The following TNFRSF10B variants were observed in gnomAD, a reference collection of about 807,000 sequenced individuals.
TNFRSF10B encodes the protein TNF receptor superfamily member 10b.
A neutral mutation model predicts 41.4 loss-of-function variants in TNFRSF10B; 35 were observed. The observed-to-expected ratio is 0.85, with a 90% CI of 0.65 to 1.12. The LOEUF (loss-of-function observed/expected upper bound fraction) is 1.12, where lower values mean the gene tolerates loss of function less well. Among genes scored for constraint, TNFRSF10B ranks in the 50% most tolerant of loss-of-function variants. The pLI, the probability that TNFRSF10B is intolerant of heterozygous loss-of-function variation, is 0.00. For synonymous variants in TNFRSF10B, 230 were observed against 215.5 expected (o/e 1.07, Z -0.59); for missense variants, 584 against 552.7 (o/e 1.06, Z -0.57).
chr8:23,022,026 AG>A lies in TNFRSF10B; in HGVS notation c.*644del, dbSNP rs1268663302. 4.4e-6 allele frequency: 2 copies of A among 450,448 alleles called. No individual in the cohort carries two copies. Among genetic ancestry groups the A allele is most frequent in the African/African-American group, 4.0e-5 (2 of 49,926 alleles). The allele number at this position is 450,448 out of a possible 1,614,324, so 27.9% of individuals were successfully genotyped here. ...CTAATTCCACCGCTTTGGGAGTCTG[AG>A]GTGGGCAGACTGCTTGAGTCCAGGA... On this transcript the variant is annotated 3_prime_UTR_variant, in exon 9 of 9. Coordinates refer to ENST00000276431, the MANE Select transcript of TNFRSF10B (RefSeq NM_003842.5).
At chr8:23,048,437 C>CAAAAAAA (rs34985507) in intron 1 of TNFRSF10B, among the ~76,000 whole-genome samples, 1 of 93,694 alleles carries the variant, frequency 1.1e-5, no homozygotes, top group Non-Finnish European at 2.3e-5. Context: ...ATTTTTGTGT[C>CAAAAAAA]AAAAAAAAAA....
At chr8:23,045,159 G>T (rs139160499) in intron 1 of TNFRSF10B, among the ~76,000 whole-genome samples, 1 of 151,846 alleles carries the variant, frequency 6.6e-6, no homozygotes, top group East Asian at 1.9e-4. Context: ...GAACCTGGGA[G>T]GTGAAAGTGG....
At position 23,022,624 on chromosome 8, in the gene TNFRSF10B, A is replaced by G; in HGVS notation, c.*47T>C. Reference sequence around the variant, plus strand: ...TGGAGTCCAGTTGGGCTTTTTCCAGAAAAAAGGTAAACCAGGGAAGGTCTG... The same window carrying G: ...TGGAGTCCAGTTGGGCTTTTTCCAGGAAAAAGGTAAACCAGGGAAGGTCTG... On this transcript the variant is annotated 3_prime_UTR_variant, in exon 9 of 9. Transcript: ENST00000276431. The G allele has an allele frequency of 6.2e-7, 1 of 1,608,832 alleles. No homozygotes were observed. Among genetic ancestry groups the G allele is most frequent in the South Asian group, 1.1e-5 (1 of 90,578 alleles).
At chr8:23,061,410 ATTATT>A (rs71546844) in intron 1 of TNFRSF10B, among the ~76,000 whole-genome samples, 13 of 152,122 alleles carry the variant, frequency 8.5e-5, no homozygotes, top group African/African-American at 1.9e-4. Context: ...AAAATTTAAT[ATTATT>A]TTATTTTTGG....
At chr8:23,043,569 T>G (rs902893559) in intron 1 of TNFRSF10B, among the ~76,000 whole-genome samples, 4 of 152,234 alleles carry the variant, frequency 2.6e-5, no homozygotes, top group Non-Finnish European at 2.9e-5. Flanking sequence ...TTAGTTCCAC[T>G]ATTTTTCCAT....
intron 7 of TNFRSF10B, among the ~76,000 whole-genome samples, 187 bp downstream of exon 7, chr8:23,026,946 A>T (rs150177456): frequency 7.2e-4 from 109 of 152,278 alleles, no homozygotes; most frequent in Middle Eastern, 3.4e-3. Context: ...GGGAGTAAGA[A>T]GCAGATGTCC....
intron 1 of TNFRSF10B, among the ~76,000 whole-genome samples, chr8:23,045,431 A>T (rs1380973020): frequency 1.3e-5 from 2 of 152,230 alleles, no homozygotes; most frequent in African/African-American, 4.8e-5. Context: ...AAGGATATTG[A>T]ATCAGTAATG....
In TNFRSF10B at chr8:23,028,489, G is replaced by A. The variant is rs61756238; in HGVS notation, c.590C>T (p.Thr197Met). ...AGGAGTCCCTGGGCTGGAGGTCACC[G>A]TCTCCTCCACAGCTGGGACTTCCCC... ...HSGEVPAVEE[T>M]VTSSPGTPAS... The change falls in exon 5 of 9, where the codon ACG (threonine) becomes ATG (methionine). Residue 197 changes from threonine to methionine, a missense_variant. Thr to Met is a moderately conservative substitution (Grantham distance 81, BLOSUM62 -1). Transcript: ENST00000276431. The A allele has an allele frequency of 2.0e-3, 3,209 of 1,614,070 alleles. 38 individuals carry two copies. In the African/African-American group the frequency reaches 0.029, roughly 15 times the overall value.
chr8:23,063,277 G>C (rs2128821505), intron 1 of TNFRSF10B, among the ~76,000 whole-genome samples: 1 of 151,880 alleles, frequency 6.6e-6, no homozygotes, highest in South Asian at 2.1e-4. Context: ...GAACCCAGGA[G>C]GCAGAGGTTG....
At chr8:23,059,404 T>A (rs1812759361) in intron 1 of TNFRSF10B, among the ~76,000 whole-genome samples, 1 of 152,252 alleles carries the variant, frequency 6.6e-6, no homozygotes, top group African/African-American at 2.4e-5. Flanking sequence ...TTTGAGGAAC[T>A]ATCATACTGT....
In TNFRSF10B at chr8:23,021,166, G is replaced by A. The variant is rs1371795520; in HGVS notation, c.*1505C>T. 2.2e-6 allele frequency: 1 copy of A among 454,090 alleles called. No individual in the cohort carries two copies. The highest frequency in any genetic ancestry group is 4.4e-6 in the Non-Finnish European group (1 of 226,800). The allele number at this position is 454,090 out of a possible 1,614,324, so 28.1% of individuals were successfully genotyped here. On this transcript the variant is annotated 3_prime_UTR_variant, in exon 9 of 9. Transcript: ENST00000276431. ...TATGGAGAAGGGTTTGCTGGAAAGA[G>A]GCTGAAATGGTTACTGAGGTCTTAA...
At chr8:23,037,381 C>A (rs1464227007) in intron 2 of TNFRSF10B, among the ~76,000 whole-genome samples, 1 of 152,194 alleles carries the variant, frequency 6.6e-6, no homozygotes, top group African/African-American at 2.4e-5. Flanking sequence ...GAGGGTCAGT[C>A]TGCCAGCTAC....
chr8:23,033,620 A>AAAAAAAAAAAAAAAAG (rs1563310598), intron 2 of TNFRSF10B, among the ~76,000 whole-genome samples: 4 of 107,668 alleles, frequency 3.7e-5, no homozygotes, highest in African/African-American at 1.3e-4. Context: ...AAAAAAAAAA[A>AAAAAAAAAAAAAAAAG]AGAACCCTGG....
At chr8:23,038,193 A>G (rs1241085754) in intron 2 of TNFRSF10B, among the ~76,000 whole-genome samples, 1 of 152,248 alleles carries the variant, frequency 6.6e-6, no homozygotes, top group African/African-American at 2.4e-5. Context: ...TCCTTAGGGC[A>G]TCTCTTAGTA....
At chr8:23,037,776 G>T (rs1181661440) in intron 2 of TNFRSF10B, among the ~76,000 whole-genome samples, 1 of 152,180 alleles carries the variant, frequency 6.6e-6, no homozygotes, top group Non-Finnish European at 1.5e-5. Flanking sequence ...GGTTCTCCAG[G>T]AGACTGTCTA....
intron 1 of TNFRSF10B, among the ~76,000 whole-genome samples, chr8:23,049,097 C>T (rs545521349): frequency 6.6e-6 from 1 of 152,206 alleles, no homozygotes; most frequent in South Asian, 2.1e-4. Flanking sequence ...GAAACTGGAA[C>T]CTTCGTGCCC....
intron 1 of TNFRSF10B, among the ~76,000 whole-genome samples, chr8:23,050,225 C>T (rs769676069): frequency 5.1e-4 from 78 of 152,160 alleles, no homozygotes; most frequent in Non-Finnish European, 8.5e-4. Flanking sequence ...TCAGGTTTTG[C>T]GTTAGTTTTG....
intron 1 of TNFRSF10B, among the ~76,000 whole-genome samples, chr8:23,056,478 C>G (rs1206563823): frequency 1.3e-5 from 2 of 152,070 alleles, no homozygotes; most frequent in African/African-American, 4.8e-5. Flanking sequence ...TGGTGAAACC[C>G]TGTCTCTACT....
rs867234351 is a variant in TNFRSF10B at position 23,030,812 on chromosome 8, C to T, written c.311G>A (p.Ser104Asn). ...CISCKYGQDY[S>N]THWNDLLFCL... ...GAAAAGGAGGTCATTCCAGTGAGTG[C>T]TATAGTCCTGTCCATATTTGCAGGA... is the stretch of plus-strand genomic sequence containing the variant. Residue 104 changes from serine to asparagine, a missense_variant, in exon 3 of 9, where the codon AGC (serine) becomes AAC (asparagine). Physicochemically the swap from Ser to Asn is conservative, Grantham distance 46 (BLOSUM62 1). Coordinates refer to ENST00000276431, the MANE Select transcript of TNFRSF10B (RefSeq NM_003842.5). 2 of 1,613,182 alleles carry T rather than the reference C, an allele frequency of 1.2e-6. No homozygotes were observed. Among genetic ancestry groups the T allele is most frequent in the Admixed American group, 1.7e-5 (1 of 59,952 alleles).
Sources: gnomAD v4.1 joint callset for allele counts (sites outside exome capture counted in the v4.1 genomes callset) on GRCh38, gnomAD v4.1.1 for gene constraint, MANE v1.5 for transcripts, NCBI Gene and HGNC (gene_info 2026-07-23, HGNC 2026-07-21) for gene names.